Variants in LAMA1 observed in about 807,000 individuals in gnomAD.
The protein encoded by LAMA1 is laminin subunit alpha 1, also known as laminin subunit alpha-1.
LAMA1 carries 219 observed loss-of-function variants against 348.7 expected under a neutral mutation model. That is an observed-to-expected ratio of 0.63 (90% CI 0.56 to 0.70). The LOEUF (loss-of-function observed/expected upper bound fraction) is 0.70, where lower values mean the gene tolerates loss of function less well. Among genes scored for constraint, LAMA1 ranks in the 30% least tolerant of loss-of-function variants. The pLI, the probability that LAMA1 is intolerant of heterozygous loss-of-function variation, is 0.00. For missense variants in LAMA1, 3,744 were observed against 3,888.0 expected (o/e 0.96, Z 0.99); for synonymous variants, 1,487 against 1,491.0 (o/e 1.00, Z 0.06).
chr18:6,986,242 G>C lies in LAMA1; in HGVS notation c.5274C>G (p.Asn1758Lys). ...GCGCCTCAGCCGCCTTTAGTTCATT[G>C]TTGTGCTTTGAAAGGACGTGGCTTG... ...EAASHVLSKH[N>K]NELKAAEALV... The change falls in exon 37 of 63, where the codon AAC becomes AAG. Residue 1758 changes from asparagine (N) to lysine (K), a missense_variant. Physicochemically the swap from Asn to Lys is moderately conservative, Grantham distance 94. This residue lies in a region of LAMA1 where 1,983 missense variants were observed against 1,934.3 expected (regional missense o/e 1.03). Transcript: ENST00000389658. 2 of 1,614,166 alleles carry C rather than the reference G, an allele frequency of 1.2e-6. No homozygotes were observed. Among genetic ancestry groups the C allele is most frequent in the Non-Finnish European group, 1.7e-6 (2 of 1,180,038 alleles).
chr18:6,944,164 C>T (rs2057512419), intron 61 of LAMA1, among the ~76,000 whole-genome samples: 1 of 152,062 alleles, frequency 6.6e-6, no homozygotes, highest in Non-Finnish European at 1.5e-5. Flanking sequence ...TACAGGCATC[C>T]ACCACCATGC....
At chr18:7,064,879 GGAAAAGGTCTTA>G (rs2058116197) in intron 3 of LAMA1, among the ~76,000 whole-genome samples, 1 of 152,224 alleles carries the variant, frequency 6.6e-6, no homozygotes, top group East Asian at 1.9e-4. Context: ...ATACTACGGA[GGAAAAGGTCTTA>G]GAAACTGTTG....
rs201030108 is a variant in LAMA1, at chr18:7,017,273, C to T, written c.2808+5G>A. The T allele has an allele frequency of 1.2e-3, 1,945 of 1,609,534 alleles. 6 individuals are homozygous for T. Among genetic ancestry groups the T allele is most frequent in the Middle Eastern group, 2.3e-3 (14 of 6,054 alleles). On this transcript the variant is annotated splice_donor_5th_base_variant and intron_variant, in intron 20 of 62. Coordinates refer to ENST00000389658, the MANE Select transcript of LAMA1 (RefSeq NM_005559.4). Reference sequence around the variant, plus strand: ...TAAGGTGTCAATTAGTCACATGCATCTTACCAAGCACTGGTCACACTGCTG... The same window carrying T: ...TAAGGTGTCAATTAGTCACATGCATTTTACCAAGCACTGGTCACACTGCTG...
chr18:7,047,840 CA>C (rs562098349), intron 5 of LAMA1, among the ~76,000 whole-genome samples: 5 of 151,300 alleles, frequency 3.3e-5, no homozygotes, highest in Non-Finnish European at 5.9e-5. Flanking sequence ...AAAACAAAAG[CA>C]AAAAAAACTC....
At position 7,044,737 on chromosome 18, in the gene LAMA1, C is replaced by T. The variant is rs1352535227; in HGVS notation, c.961G>A (p.Gly321Ser). ...GTATACTGACCTTCACATGTATTGC[C>T]GGAGGACACGGTTCCCGGCCTCCAG... is the stretch of plus-strand genomic sequence containing the variant. The part of the protein sequence containing the change: ...QPWRPGTVSS[G>S]NTCEACNCHN... The change falls in exon 7 of 63, where the codon GGC becomes AGC. Residue 321 changes from glycine to serine, a missense_variant. Gly to Ser is a moderately conservative substitution (Grantham distance 56). Coordinates refer to ENST00000389658, the MANE Select transcript of LAMA1 (RefSeq NM_005559.4). The T allele has an allele frequency of 3.7e-6, 6 of 1,613,654 alleles. No homozygotes were observed. The highest frequency in any genetic ancestry group is 2.2e-5 in the South Asian group (2 of 91,070).
At chr18:6,990,507 C>G (rs2057753926) in intron 36 of LAMA1, among the ~76,000 whole-genome samples, 2 of 152,154 alleles carry the variant, frequency 1.3e-5, no homozygotes, top group African/African-American at 4.8e-5. Flanking sequence ...GTGGGCAGGT[C>G]CTGGGAAGCC....
At chr18:6,954,111 G>T in intron 57 of LAMA1, 1 of 152,332 alleles carries the variant, frequency 6.6e-6, no homozygotes. Flanking sequence ...AAGTAGTCAT[G>T]GAGAATAAAA....
chr18:7,031,011 A>G (rs941293827), intron 16 of LAMA1, among the ~76,000 whole-genome samples: 3 of 152,212 alleles, frequency 2.0e-5, no homozygotes, highest in Non-Finnish European at 2.9e-5. Flanking sequence ...TTCCTACAGA[A>G]GCTTTACTTA....
chr18:7,076,188 CA>C (rs2058167608), intron 3 of LAMA1, among the ~76,000 whole-genome samples: 1 of 152,176 alleles, frequency 6.6e-6, no homozygotes, highest in Non-Finnish European at 1.5e-5. Flanking sequence ...AAAAAGTCAT[CA>C]GAAGGTGTAG....
intron 61 of LAMA1, 77 bp downstream of exon 61, chr18:6,947,086 T>A: frequency 6.3e-7 from 1 of 1,580,832 alleles, no homozygotes; most frequent in Non-Finnish European, 8.7e-7. Context: ...TAGTTGTGAA[T>A]TTGAATCTGC....
At chr18:7,083,883 C>T (rs2058203714) in intron 1 of LAMA1, among the ~76,000 whole-genome samples, 1 of 151,820 alleles carries the variant, frequency 6.6e-6, no homozygotes, top group South Asian at 2.1e-4. Flanking sequence ...CCAGCCTGGC[C>T]ACCATGGTAA....
At position 7,075,712 on chromosome 18, in the gene LAMA1, C is replaced by CAG. The variant is rs1025843454; in HGVS notation, c.345+4261_345+4262dup. On this transcript the variant is annotated intron_variant, in intron 3 of 62. Coordinates refer to ENST00000389658, the MANE Select transcript of LAMA1 (RefSeq NM_005559.4). ...CAGCACTTTGGGAGGCCGAGGCAGG[C>CAG]AGATCACTTGAGGTCAGGAGTTCAA... Among the ~76,000 whole-genome samples the CAG allele has an allele frequency of 1.3e-3, 192 of 152,238 alleles. 3 individuals are homozygous for CAG. The highest frequency in any genetic ancestry group is 1.9e-4 in the Non-Finnish European group (13 of 68,016).
chr18:6,942,888 A>G (rs1211620037), intron 62 of LAMA1, among the ~76,000 whole-genome samples: 2 of 152,228 alleles, frequency 1.3e-5, no homozygotes, highest in African/African-American at 2.4e-5. Context: ...CCCTAGCCCT[A>G]AAATGACTCC....
intron 1 of LAMA1, among the ~76,000 whole-genome samples, chr18:7,098,505 C>T (rs1386213012): frequency 6.6e-6 from 1 of 151,922 alleles, no homozygotes; most frequent in African/African-American, 2.4e-5. Context: ...CCCGCCGCCC[C>T]GTCTGGGATG....
chr18:7,009,327 C>T lies in LAMA1; in HGVS notation c.3913G>A (p.Val1305Ile), dbSNP rs1452710198. 5.6e-6 allele frequency: 9 copies of T among 1,613,944 alleles called. No individual in the cohort carries two copies. Among genetic ancestry groups the T allele is most frequent in the African/African-American group, 1.3e-5 (1 of 74,934 alleles). Residue 1305 changes from valine (V) to isoleucine (I), a missense_variant, in exon 27 of 63, where the codon GTC (valine) becomes ATC (isoleucine). Val to Ile is a conservative substitution (Grantham distance 29, BLOSUM62 3). Transcript: ENST00000389658. ...ACAGACATAAAATCCTCTCGCGTGA[C>T]AGGTTTTTCAGAAACAGAGTTAAAA... ...KYFNSVSEKP[V>I]TREDFMSVLS...
intron 3 of LAMA1, among the ~76,000 whole-genome samples, chr18:7,056,957 C>T (rs180990551): frequency 2.0e-3 from 297 of 152,020 alleles, no homozygotes; most frequent in African/African-American, 5.4e-3. Flanking sequence ...CTGCAACCTC[C>T]GCCTCTTGGG....
At chr18:7,078,368 G>A (rs984473919) in intron 3 of LAMA1, among the ~76,000 whole-genome samples, 3 of 151,240 alleles carry the variant, frequency 2.0e-5, no homozygotes, top group African/African-American at 4.8e-5. Flanking sequence ...GGGTTTCACC[G>A]TGTTAGCCAG....
At chr18:7,055,996 C>T (rs2058080318) in intron 3 of LAMA1, among the ~76,000 whole-genome samples, 1 of 151,650 alleles carries the variant, frequency 6.6e-6, no homozygotes. Context: ...AGGAGAATGG[C>T]GTGAACCCGG....
intron 1 of LAMA1, among the ~76,000 whole-genome samples, chr18:7,100,899 A>C (rs138444568): frequency 6.6e-6 from 1 of 152,070 alleles, no homozygotes; most frequent in Non-Finnish European, 1.5e-5. Flanking sequence ...AATCCCAGCT[A>C]CTCGGGAGTC....
Sources: allele counts gnomAD v4.1 joint callset (sites outside exome capture counted in the v4.1 genomes callset), GRCh38; gene constraint gnomAD v4.1.1; regional missense constraint gnomAD v4.1.1; transcripts MANE v1.5; gene names NCBI Gene and HGNC (gene_info 2026-07-23, HGNC 2026-07-21).